The following HERC1 variants were observed in gnomAD, a reference collection of about 807,000 sequenced individuals.
The protein encoded by HERC1 is HECT and RLD domain containing E3 ubiquitin protein ligase family member 1, also known as probable E3 ubiquitin-protein ligase HERC1.
Under a neutral mutation model 554.3 loss-of-function variants are expected in HERC1, and 160 were observed. The observed-to-expected ratio is 0.29, with a 90% CI of 0.25 to 0.33. HERC1 has a LOEUF of 0.33. Among genes scored for constraint, HERC1 ranks in the 10% least tolerant of loss-of-function variants. HERC1 has a pLI of 1.00. For synonymous variants in HERC1, 2,175 were observed against 2,131.7 expected (o/e 1.02, Z -0.56); for missense variants, 4,919 against 5,918.5 (o/e 0.83, Z 5.54).
intron 42 of HERC1, among the ~76,000 whole-genome samples, chr15:63,665,699 A>T (rs554738635): frequency 6.6e-6 from 1 of 152,354 alleles, no homozygotes; most frequent in East Asian, 1.9e-4. Flanking sequence ...AAAAATTATG[A>T]AATTTCTTCT....
rs377161088 is a variant in HERC1 at position 63,680,266 on chromosome 15, G to C, written c.6466-106C>G. 1.2e-6 allele frequency: 1 copy of C among 857,728 alleles called. No individual in the cohort carries two copies. The highest frequency in any genetic ancestry group is 1.7e-5 in the South Asian group (1 of 59,242). The allele number at this position is 857,728 out of a possible 1,614,324, so 53.1% of individuals were successfully genotyped here. On this transcript the variant is annotated intron_variant, in intron 35 of 77. Transcript: ENST00000443617. The surrounding 1 kb of genome is among the most constrained non-coding windows in gnomAD (Gnocchi z 5.8). ...AAAGCTTTTATGAGACAGAACAAAA[G>C]TTACTAGATCAAATTCTCAATTAAC...
At chr15:63,627,732 T>A in intron 70 of HERC1, among the ~76,000 whole-genome samples, 1 of 147,624 alleles carries the variant, frequency 6.8e-6, no homozygotes, top group Non-Finnish European at 1.5e-5. Context: ...GAATGACAAA[T>A]GTCACAACAT....
At chr15:63,785,118 C>T (rs1323194340) in intron 1 of HERC1, among the ~76,000 whole-genome samples, 1 of 152,162 alleles carries the variant, frequency 6.6e-6, no homozygotes, top group South Asian at 2.1e-4. Flanking sequence ...TCAAATGCTC[C>T]ATTTCTAAGT....
At chr15:63,725,128 T>C (rs1240251862) in intron 18 of HERC1, among the ~76,000 whole-genome samples, 164 bp downstream of exon 18, 4 of 152,132 alleles carry the variant, frequency 2.6e-5, no homozygotes, top group Admixed American at 6.5e-5. Context: ...GCTGCACGAT[T>C]TAACCATTTT....
chr15:63,643,564 T>A lies in HERC1; in HGVS notation c.11185-14A>T. On this transcript the variant is annotated splice_polypyrimidine_tract_variant and intron_variant, in intron 57 of 77. Transcript: ENST00000443617. ...CCTATATCCATCCTGAAATTCATTA[T>A]TTTTAACATGCATTAAAATAAAGAT... 1 of 1,534,058 alleles carries A rather than the reference T, an allele frequency of 6.5e-7. No homozygotes were observed. The highest frequency in any genetic ancestry group is 8.8e-7 in the Non-Finnish European group (1 of 1,133,040).
At chr15:63,625,152 T>C (rs764634981) in intron 71 of HERC1, among the ~76,000 whole-genome samples, 3 of 152,110 alleles carry the variant, frequency 2.0e-5, no homozygotes, top group Admixed American at 6.6e-5. Flanking sequence ...GCACACACAA[T>C]AGCTAGCCAC....
Position 63,712,870 on chromosome 15 carries a change from G to A in HERC1, c.4489C>T (p.Arg1497Trp), listed in dbSNP as rs773120855. The part of the protein sequence containing the change: ...TRSESLTAES[R>W]LVHTSPNYRL... The stretch of plus-strand genomic sequence containing the variant: ...TAATTTGGGCTTGTGTGGACTAGCC[G>A]GCTCTCTGCAGTAAGACTTTCACTC... The change falls in exon 24 of 78, where the codon CGG (arginine) becomes TGG (tryptophan). Residue 1497 changes from arginine (R) to tryptophan (W), a missense_variant. This residue lies in a region of HERC1 where 1,121 missense variants were observed against 1,244.0 expected (regional missense o/e 0.90). Transcript: ENST00000443617. 6 of 1,613,190 alleles carry A rather than the reference G, an allele frequency of 3.7e-6. No homozygotes were observed. In the African/African-American group the frequency reaches 5.3e-5, roughly 14 times the overall value.
intron 19 of HERC1, among the ~76,000 whole-genome samples, chr15:63,722,011 C>A (rs1321379718): frequency 6.6e-6 from 1 of 152,120 alleles, no homozygotes; most frequent in East Asian, 1.9e-4. Flanking sequence ...CAGGCACACG[C>A]CTCCATGACC....
chr15:63,822,583 C>G (rs1024860957), intron 1 of HERC1, among the ~76,000 whole-genome samples: 1 of 148,428 alleles, frequency 6.7e-6, no homozygotes, highest in African/African-American at 2.5e-5. Context: ...AAGACTCTGT[C>G]TCAAAAAAAA....
intron 1 of HERC1, among the ~76,000 whole-genome samples, chr15:63,827,094 G>A (rs77328052): frequency 6.6e-6 from 1 of 152,120 alleles, no homozygotes; most frequent in East Asian, 1.9e-4. Flanking sequence ...AATGGTTGAA[G>A]AGGTTAAGAA....
At chr15:63,729,781 G>T (rs2074199335) in intron 14 of HERC1, 132 bp from the exon 15 acceptor site, 2 of 775,342 alleles carry the variant, frequency 2.6e-6, no homozygotes, top group Non-Finnish European at 4.1e-6. Flanking sequence ...CCAGCACTTT[G>T]GGAGTCCGAG....
At chr15:63,787,121 C>T (rs939574217) in intron 1 of HERC1, among the ~76,000 whole-genome samples, 10 of 151,958 alleles carry the variant, frequency 6.6e-5, no homozygotes, top group African/African-American at 2.4e-4. Flanking sequence ...GGATTACAGG[C>T]ATGAGCCACC....
chr15:63,615,487 G>A lies in HERC1; in HGVS notation c.14094+281C>T, dbSNP rs187392951. On this transcript the variant is annotated intron_variant, in intron 76 of 77. Coordinates refer to ENST00000443617, the MANE Select transcript of HERC1 (RefSeq NM_003922.4). ...TAGCTAGGCGTGGTGACACATGCCTGTAGTCCCAGCTACTGGGGAGGCTGA... is the reference window on the plus strand; with the variant it reads ...TAGCTAGGCGTGGTGACACATGCCTATAGTCCCAGCTACTGGGGAGGCTGA... 9.5e-4 allele frequency among the ~76,000 whole-genome samples: 144 copies of A among 152,334 alleles called. 1 individual carries two copies. The highest frequency in any genetic ancestry group is 3.4e-3 in the African/African-American group (142 of 41,576).
At chr15:63,795,161 C>T (rs940241625) in intron 1 of HERC1, among the ~76,000 whole-genome samples, 3 of 149,050 alleles carry the variant, frequency 2.0e-5, no homozygotes, top group African/African-American at 7.4e-5. Flanking sequence ...TTAAATGTAT[C>T]AATACAGTTT....
intron 53 of HERC1, among the ~76,000 whole-genome samples, chr15:63,650,203 G>C (rs1474209114): frequency 6.6e-6 from 1 of 151,946 alleles, no homozygotes; most frequent in Non-Finnish European, 1.5e-5. Context: ...AGGAATTCGA[G>C]ACCAGCCTAG....
intron 27 of HERC1, 125 bp downstream of exon 27, chr15:63,695,999 A>C: frequency 1.5e-6 from 1 of 671,048 alleles, no homozygotes; most frequent in South Asian, 1.8e-5. Context: ...CCAAGGAGCT[A>C]TCTTAAAAAA....
intron 74 of HERC1, 83 bp from the exon 75 acceptor site, chr15:63,616,765 G>C (rs556021815): frequency 7.5e-6 from 9 of 1,201,464 alleles, no homozygotes; most frequent in Non-Finnish European, 9.7e-6. Flanking sequence ...TATAGCGTTA[G>C]TCTATACCTG....
At chr15:63,825,047 G>A (rs935409060) in intron 1 of HERC1, among the ~76,000 whole-genome samples, 1 of 152,252 alleles carries the variant, frequency 6.6e-6, no homozygotes, top group Non-Finnish European at 1.5e-5. Flanking sequence ...GCTAATGCCT[G>A]TAATCAATCC....
In HERC1 at chr15:63,609,078, C is replaced by A. The variant is rs764146411; in HGVS notation, c.*3G>T. ...AGAAGGGAGGGTGAGAGCACCCGCA[C>A]GGTCAGTAGTCAGTGTCGGAGCCCT... On this transcript the variant is annotated 3_prime_UTR_variant, in exon 78 of 78. Transcript: ENST00000443617. 9 of 1,611,486 alleles carry A rather than the reference C, an allele frequency of 5.6e-6. No individual in the cohort carries two copies. The highest frequency in any genetic ancestry group is 1.7e-5 in the Admixed American group (1 of 59,794).
Sources: allele counts gnomAD v4.1 joint callset (sites outside exome capture counted in the v4.1 genomes callset), GRCh38; gene constraint gnomAD v4.1.1; regional missense constraint gnomAD v4.1.1; non-coding constraint Gnocchi (gnomAD v3.1); transcripts MANE v1.5; gene names NCBI Gene and HGNC (gene_info 2026-07-23, HGNC 2026-07-21).